CNTNAP2: variants seen among roughly 807,000 people sequenced by gnomAD.
The protein encoded by CNTNAP2 is contactin-associated protein-like 2.
Under a neutral mutation model 155.2 loss-of-function variants are expected in CNTNAP2, and 98 were observed. That is an observed-to-expected ratio of 0.63 (90% CI 0.54 to 0.75). The LOEUF (loss-of-function observed/expected upper bound fraction) is 0.75. CNTNAP2 is among the 30% of genes least tolerant of loss of function. The pLI, the probability that CNTNAP2 is intolerant of heterozygous loss-of-function variation, is 0.00. For synonymous variants in CNTNAP2, 651 were observed against 631.2 expected, an observed-to-expected ratio of 1.03 and a Z score of -0.47; for missense variants, 1,727 against 1,688.1, an observed-to-expected ratio of 1.02 and a Z score of -0.40.
chr7:146,615,235 T>A (rs1015963687), intron 1 of CNTNAP2, among the ~76,000 whole-genome samples: 7 of 152,142 alleles, frequency 4.6e-5, no homozygotes, highest in African/African-American at 1.7e-4. Flanking sequence ...ACACAATCAT[T>A]AAACTAAAAA....
chr7:146,399,207 C>A (rs952127329), intron 1 of CNTNAP2, among the ~76,000 whole-genome samples: 9 of 152,078 alleles, frequency 5.9e-5, no homozygotes, highest in African/African-American at 2.2e-4. Context: ...ACTTTCTTAG[C>A]AATTTTCAAA....
chr7:147,553,914 A>T (rs1799899960), intron 11 of CNTNAP2, among the ~76,000 whole-genome samples: 1 of 152,212 alleles, frequency 6.6e-6, no homozygotes, highest in African/African-American at 2.4e-5. Flanking sequence ...GTGAGCCGAG[A>T]TCGCGTCATT....
chr7:147,033,166 A>G (rs892645529), intron 3 of CNTNAP2, among the ~76,000 whole-genome samples: 71 of 27,932 alleles, frequency 2.5e-3, no homozygotes, highest in African/African-American at 6.6e-3. Flanking sequence ...ATATGTATAT[A>G]TATATATATA....
At chr7:148,354,202 T>C (rs1798474104) in intron 21 of CNTNAP2, among the ~76,000 whole-genome samples, 1 of 146,146 alleles carries the variant, frequency 6.8e-6, no homozygotes, top group African/African-American at 2.6e-5. Context: ...TTTTTTTTTT[T>C]TTTGTAAACC....
chr7:146,683,486 C>A lies in CNTNAP2; in HGVS notation c.98-90785C>A, dbSNP rs735162. ...AATTATATTTGAAACTCTCAGAAGACCAGATGAACTCAAACTACAGTGCCA... is the reference window on the plus strand; with the variant it reads ...AATTATATTTGAAACTCTCAGAAGAACAGATGAACTCAAACTACAGTGCCA... On this transcript the variant is annotated intron_variant, in intron 1 of 23. Transcript: ENST00000361727. 0.091 allele frequency among the ~76,000 whole-genome samples: 13,834 copies of A among 152,158 alleles called. 919 individuals are homozygous for A. The highest frequency in any genetic ancestry group is 0.18 in the African/African-American group (7,617 of 41,514).
At chr7:147,365,497 A>C (rs1353829693) in intron 9 of CNTNAP2, among the ~76,000 whole-genome samples, 4 of 151,574 alleles carry the variant, frequency 2.6e-5, no homozygotes, top group Non-Finnish European at 5.9e-5. Context: ...GAATGTTTGA[A>C]TTAATTAATA....
intron 1 of CNTNAP2, among the ~76,000 whole-genome samples, chr7:146,360,264 A>T (rs2129100660): frequency 6.6e-6 from 1 of 152,218 alleles, no homozygotes; most frequent in Non-Finnish European, 1.5e-5. Flanking sequence ...GACACATTTG[A>T]CTTTCAGTGA....
At chr7:147,392,424 T>C (rs1372047620) in intron 9 of CNTNAP2, among the ~76,000 whole-genome samples, 3 of 152,066 alleles carry the variant, frequency 2.0e-5, no homozygotes, top group African/African-American at 7.2e-5. Flanking sequence ...GTAAGTTCTT[T>C]CGTGGTGATT....
chr7:146,711,805 C>T (rs1430532185), intron 1 of CNTNAP2, among the ~76,000 whole-genome samples: 1 of 116,374 alleles, frequency 8.6e-6, no homozygotes, highest in Non-Finnish European at 1.7e-5. Context: ...ATAGTATACA[C>T]ATCTTATGTA....
chr7:146,484,448 T>C (rs1797025187), intron 1 of CNTNAP2, among the ~76,000 whole-genome samples: 1 of 152,192 alleles, frequency 6.6e-6, no homozygotes. Context: ...CTCCTTTAGG[T>C]GTGAGATTTT....
At chr7:146,445,249 G>T (rs745305669) in intron 1 of CNTNAP2, among the ~76,000 whole-genome samples, 1 of 152,244 alleles carries the variant, frequency 6.6e-6, no homozygotes, top group African/African-American at 2.4e-5. Flanking sequence ...TATGCCTGAC[G>T]TTGTTGTAAC....
intron 13 of CNTNAP2, among the ~76,000 whole-genome samples, chr7:147,888,548 A>G (rs560451119): frequency 6.6e-6 from 1 of 152,168 alleles, no homozygotes; most frequent in African/African-American, 2.4e-5. Context: ...AATGATGGCT[A>G]AAAATTGACC....
At chr7:147,540,960 T>C (rs951516110) in intron 11 of CNTNAP2, among the ~76,000 whole-genome samples, 1 of 152,226 alleles carries the variant, frequency 6.6e-6, no homozygotes, top group African/African-American at 2.4e-5. Context: ...AAATAGCAAT[T>C]ATATTTAATG....
chr7:148,032,755 T>A (rs1802501834), intron 15 of CNTNAP2, among the ~76,000 whole-genome samples: 1 of 152,188 alleles, frequency 6.6e-6, no homozygotes, highest in Non-Finnish European at 1.5e-5. Flanking sequence ...TCACCTCACC[T>A]GCTGACGCGA....
At chr7:146,369,027 A>ATG (rs1414708243) in intron 1 of CNTNAP2, among the ~76,000 whole-genome samples, 39 of 91,164 alleles carry the variant, frequency 4.3e-4, no homozygotes, top group Admixed American at 9.2e-4. Context: ...TAAAAGCATT[A>ATG]TGTATATATA....
intron 1 of CNTNAP2, among the ~76,000 whole-genome samples, chr7:146,541,816 C>T (rs560892979): frequency 6.6e-6 from 1 of 151,904 alleles, no homozygotes; most frequent in African/African-American, 2.4e-5. Flanking sequence ...TGCAAGTAAC[C>T]TTTTCACCAG....
chr7:147,248,171 A>C (rs747029214), intron 8 of CNTNAP2, among the ~76,000 whole-genome samples: 1 of 152,254 alleles, frequency 6.6e-6, no homozygotes, highest in Non-Finnish European at 1.5e-5. Context: ...GGATTTAGAT[A>C]GTGCCAAAGA....
At chr7:146,246,721 G>T (rs1443052492) in intron 1 of CNTNAP2, among the ~76,000 whole-genome samples, 1 of 152,126 alleles carries the variant, frequency 6.6e-6, no homozygotes, top group African/African-American at 2.4e-5. Flanking sequence ...TCTGGGAGTG[G>T]CTGCCAGGTG....
At chr7:148,158,876 G>A (rs1463509033) in intron 17 of CNTNAP2, among the ~76,000 whole-genome samples, 1 of 152,144 alleles carries the variant, frequency 6.6e-6, no homozygotes, top group Non-Finnish European at 1.5e-5. Context: ...GATAAGGACT[G>A]AACTAAACTT....
Sources: allele counts gnomAD v4.1 joint callset (sites outside exome capture counted in the v4.1 genomes callset), GRCh38; gene constraint gnomAD v4.1.1; transcripts MANE v1.5; gene names NCBI Gene and HGNC (gene_info 2026-07-23, HGNC 2026-07-21).